The following CRPPA variants were observed in gnomAD, a reference collection of about 807,000 sequenced individuals.
CRPPA encodes the protein D-ribitol-5-phosphate cytidylyltransferase.
Under a neutral mutation model 52.0 loss-of-function variants are expected in CRPPA, and 43 were observed. That is an observed-to-expected ratio of 0.83 (90% confidence interval 0.65 to 1.07). The LOEUF (loss-of-function observed/expected upper bound fraction) is 1.07, where lower values mean the gene tolerates loss of function less well. Ranked by LOEUF, CRPPA falls within the 50% of genes least tolerant of loss-of-function variation. The pLI is 0.00. For missense variants in CRPPA, 629 were observed against 551.7 expected (o/e 1.14, Z -1.40); for synonymous variants, 250 against 203.5 (o/e 1.23, Z -1.94).
chr7:16,104,994 T>C (rs974888295), intron 9 of CRPPA, among the ~76,000 whole-genome samples: 4 of 151,972 alleles, frequency 2.6e-5, no homozygotes, highest in Non-Finnish European at 5.9e-5. Flanking sequence ...AAGACAGACT[T>C]GAAATGTCTA....
chr7:16,289,246 A>G (rs967966702), intron 5 of CRPPA, among the ~76,000 whole-genome samples: 4 of 152,144 alleles, frequency 2.6e-5, no homozygotes, highest in African/African-American at 9.7e-5. Flanking sequence ...CCAGGACCAG[A>G]TAGATTCACT....
At chr7:16,267,176 C>A (rs1286656422) in intron 6 of CRPPA, among the ~76,000 whole-genome samples, 2 of 152,028 alleles carry the variant, frequency 1.3e-5, no homozygotes, top group African/African-American at 2.4e-5. Flanking sequence ...TTCATTTGAC[C>A]AATATTTATT....
chr7:16,335,393 C>T (rs1426936113), intron 3 of CRPPA, among the ~76,000 whole-genome samples: 2 of 151,990 alleles, frequency 1.3e-5, no homozygotes, highest in African/African-American at 2.4e-5. Flanking sequence ...ACAAGAAATA[C>T]AGATCTGAAA....
In CRPPA at chr7:16,216,488, G is replaced by T. The variant is rs183379625; in HGVS notation, c.1120-291C>A. On this transcript the variant is annotated intron_variant, in intron 8 of 9. Coordinates refer to ENST00000407010, the MANE Select transcript of CRPPA (RefSeq NM_001101426.4). Reference sequence around the variant, plus strand: ...CCGGTCTACAGCTCCCAGCGTGAGCGACGCAGAAGACGGGTGATTTCTGCA... The same window carrying T: ...CCGGTCTACAGCTCCCAGCGTGAGCTACGCAGAAGACGGGTGATTTCTGCA... The T allele has an allele frequency of 1.9e-3, 498 of 264,624 alleles. 7 individuals are homozygous for T. In the East Asian group the frequency reaches 0.032, roughly 17 times the overall value. The allele number at this position is 264,624 out of a possible 1,614,324, so 16.4% of individuals were successfully genotyped here.
chr7:16,391,617 T>C (rs1473620912), intron 2 of CRPPA, among the ~76,000 whole-genome samples: 1 of 152,192 alleles, frequency 6.6e-6, no homozygotes, highest in Non-Finnish European at 1.5e-5. Context: ...GTTCCTCATT[T>C]CCACTAGGAG....
intron 2 of CRPPA, among the ~76,000 whole-genome samples, chr7:16,378,013 A>C (rs373306247): frequency 6.6e-6 from 1 of 152,142 alleles, no homozygotes; most frequent in East Asian, 1.9e-4. Flanking sequence ...TGTAGATCAC[A>C]GAGTAGGGAG....
intron 3 of CRPPA, among the ~76,000 whole-genome samples, chr7:16,319,076 G>C (rs1166770734): frequency 6.6e-6 from 1 of 152,054 alleles, no homozygotes; most frequent in Non-Finnish European, 1.5e-5. Flanking sequence ...GGTTAAATCA[G>C]TATTGAGTGT....
chr7:16,368,446 A>G (rs12671637), intron 3 of CRPPA, among the ~76,000 whole-genome samples: 18,505 of 152,258 alleles, frequency 0.12, 1,231 homozygotes, highest in South Asian at 0.24. Flanking sequence ...GAAAACAAAC[A>G]CATACGAATT....
chr7:16,161,411 C>T (rs568067803), intron 9 of CRPPA, among the ~76,000 whole-genome samples: 2 of 152,218 alleles, frequency 1.3e-5, no homozygotes, highest in Admixed American at 6.5e-5. Flanking sequence ...TGAATTTTGT[C>T]GAAGGCCTTT....
At chr7:16,106,299 G>A (rs560834088) in intron 9 of CRPPA, among the ~76,000 whole-genome samples, 19 of 152,294 alleles carry the variant, frequency 1.2e-4, no homozygotes, top group African/African-American at 3.8e-4. Context: ...AAAGAGCATA[G>A]CCTCTCTTCT....
At chr7:16,357,223 G>A (rs932598159) in intron 3 of CRPPA, among the ~76,000 whole-genome samples, 4 of 151,878 alleles carry the variant, frequency 2.6e-5, no homozygotes, top group African/African-American at 7.3e-5. Context: ...CTACCACCCA[G>A]GCTAGAGTGC....
intron 2 of CRPPA, among the ~76,000 whole-genome samples, chr7:16,380,600 G>A (rs1787057402): frequency 1.3e-5 from 2 of 152,112 alleles, no homozygotes; most frequent in Non-Finnish European, 2.9e-5. Flanking sequence ...GTAGAATTCG[G>A]CTGTGAATCC....
chr7:16,173,306 T>C (rs1226815061), intron 9 of CRPPA, among the ~76,000 whole-genome samples: 1 of 152,194 alleles, frequency 6.6e-6, no homozygotes, highest in Admixed American at 6.5e-5. Flanking sequence ...AAGTATTCCA[T>C]TGTTTTATGT....
At chr7:16,317,747 C>T (rs990707962) in intron 3 of CRPPA, among the ~76,000 whole-genome samples, 1 of 152,032 alleles carries the variant, frequency 6.6e-6, no homozygotes, top group East Asian at 1.9e-4. Flanking sequence ...ATTTCATTTC[C>T]TTGGGACACA....
At chr7:16,205,733 A>C (rs917704035) in intron 9 of CRPPA, among the ~76,000 whole-genome samples, 18 of 152,014 alleles carry the variant, frequency 1.2e-4, no homozygotes, top group African/African-American at 4.1e-4. Flanking sequence ...ATTTCCTCTT[A>C]CTACAGTGAG....
intron 2 of CRPPA, among the ~76,000 whole-genome samples, chr7:16,389,108 T>G (rs1156941575): frequency 1.3e-5 from 2 of 152,152 alleles, no homozygotes; most frequent in Non-Finnish European, 2.9e-5. Flanking sequence ...GGAATTGAAT[T>G]AGTAATTTAG....
chr7:16,282,881 T>C (rs12666960), intron 5 of CRPPA, among the ~76,000 whole-genome samples: 13,920 of 152,070 alleles, frequency 0.092, 743 homozygotes, highest in East Asian at 0.22. Context: ...ACGCAATCAA[T>C]ATGTCCTTTA....
At chr7:16,213,505 T>C (rs1782209117) in intron 9 of CRPPA, among the ~76,000 whole-genome samples, 1 of 151,950 alleles carries the variant, frequency 6.6e-6, no homozygotes, top group African/African-American at 2.4e-5. Context: ...TCCCAGCACT[T>C]TGGGAGGCTG....
Position 16,088,303 on chromosome 7 carries a change from T to A in CRPPA, c.*3392A>T, listed in dbSNP as rs951418599. The A allele has an allele frequency of 1.3e-5, 2 of 152,166 alleles. No homozygotes were observed. The highest frequency in any genetic ancestry group is 6.5e-5 in the Admixed American group (1 of 15,280). 9.4% of individuals were successfully genotyped at this position (152,166 alleles called of 1,614,324 possible). On this transcript the variant is annotated 3_prime_UTR_variant, in exon 10 of 10. Transcript: ENST00000407010. The stretch of plus-strand genomic sequence containing the variant: ...AGAAACCTTGAAGCATAATCACTAT[T>A]ATTTTTTAAGAGATTTTGGAAAATA...
Sources: gnomAD v4.1 joint callset for allele counts (sites outside exome capture counted in the v4.1 genomes callset) on GRCh38, gnomAD v4.1.1 for gene constraint, MANE v1.5 for transcripts, NCBI Gene and HGNC (gene_info 2026-07-23, HGNC 2026-07-21) for gene names.